TECR: variants seen among roughly 807,000 people sequenced by gnomAD.
TECR encodes the protein very-long-chain enoyl-CoA reductase.
In TECR, 19 loss-of-function variants were observed where a neutral mutation model predicts 50.6. That is an observed-to-expected ratio of 0.38 (90% CI 0.26 to 0.55). The LOEUF is 0.55. TECR is among the 20% of genes least tolerant of loss of function. TECR has a pLI of 0.79. For synonymous variants in TECR, 168 were observed against 163.5 expected (o/e 1.03, Z -0.21); for missense variants, 313 against 408.3 (o/e 0.77, Z 2.01).
intron 1 of TECR, among the ~76,000 whole-genome samples, chr19:14,545,453 CG>C (rs1394095984): frequency 6.6e-6 from 1 of 152,134 alleles, no homozygotes; most frequent in Non-Finnish European, 1.5e-5. Flanking sequence ...ATCGTGACCC[CG>C]TATTATGTAA....
rs531576724 is a variant in TECR at position 14,549,907 on chromosome 19, C to T, written c.16-12618C>T. Among the ~76,000 whole-genome samples, 241 of 151,672 alleles carry T rather than the reference C, an allele frequency of 1.6e-3. 1 individual carries two copies. The highest frequency in any genetic ancestry group is 5.5e-3 in the African/African-American group (229 of 41,336). On this transcript the variant is annotated intron_variant, in intron 1 of 12. Coordinates refer to ENST00000215567, the MANE Select transcript of TECR (RefSeq NM_138501.6). The stretch of plus-strand genomic sequence containing the variant: ...GCAGTGAGCCGAGATTGTGCCACTG[C>T]GCTCCAGCCTGGGCAACACAGTGAG...
At chr19:14,530,154 C>G (rs971790382) in intron 1 of TECR, 1 of 200,688 alleles carries the variant, frequency 5.0e-6, no homozygotes, top group African/African-American at 2.3e-5. Context: ...GACCCCTTCC[C>G]TCGCCCGGGA....
intron 1 of TECR, among the ~76,000 whole-genome samples, chr19:14,541,014 C>T (rs1246694146): frequency 6.6e-6 from 1 of 152,084 alleles, no homozygotes; most frequent in Non-Finnish European, 1.5e-5. Context: ...TTAGTAGAGA[C>T]AGGGTTTCAC....
At position 14,535,574 on chromosome 19, in the gene TECR, ATATATATATATATATG is replaced by A. The variant is rs1178568432; in HGVS notation, c.15+5867_15+5882del. Among the ~76,000 whole-genome samples the A allele has an allele frequency of 8.8e-4, 32 of 36,454 alleles. No homozygotes were observed. The South Asian group carries it at 0.011, about 13-fold the overall frequency. 23.9% of individuals were successfully genotyped at this position (36,454 alleles called of 152,430 possible). A position where few individuals can be genotyped will look rare whatever the true frequency, so the allele number is the denominator to read the frequency against. On this transcript the variant is annotated intron_variant, in intron 1 of 12. Transcript: ENST00000215567. Reference sequence around the variant, plus strand: ...TATATATATATATATATATATATATATATATATATATATATGTATGTATATATAAATTAGCCAGGCA... The same window carrying A: ...TATATATATATATATATATATATATATATGTATATATAAATTAGCCAGGCA...
chr19:14,547,752 G>A (rs550508002), intron 1 of TECR, among the ~76,000 whole-genome samples: 54 of 151,242 alleles, frequency 3.6e-4, no homozygotes, highest in African/African-American at 1.3e-3. Context: ...TGGGCCTCCT[G>A]GGCTTAAGTG....
chr19:14,562,456 A>C, intron 1 of TECR, 69 bp from the exon 2 acceptor site: 1 of 1,594,920 alleles, frequency 6.3e-7, no homozygotes, highest in East Asian at 2.2e-5. Context: ...CCCTGGCCTC[A>C]ATGGGCTCCC....
upstream of TECR, among the ~76,000 whole-genome samples, chr19:14,528,906 G>A (rs1052104959): frequency 1.3e-5 from 2 of 152,138 alleles, no homozygotes; most frequent in Non-Finnish European, 2.9e-5. Flanking sequence ...TTGCGCCACT[G>A]CACTCCAGCT....
upstream of TECR, among the ~76,000 whole-genome samples, chr19:14,528,965 A>T (rs2072505891): frequency 6.6e-6 from 1 of 152,098 alleles, no homozygotes; most frequent in Non-Finnish European, 1.5e-5. Context: ...CAGAAAAACA[A>T]AGTGGGGCGG....
At chr19:14,547,257 C>T (rs1028284697) in intron 1 of TECR, among the ~76,000 whole-genome samples, 1 of 151,906 alleles carries the variant, frequency 6.6e-6, no homozygotes, top group African/African-American at 2.4e-5. Context: ...TTTTTAATAC[C>T]GACAGTAGGC....
intron 1 of TECR, among the ~76,000 whole-genome samples, chr19:14,546,712 T>G (rs1247386852): frequency 2.0e-5 from 3 of 152,198 alleles, no homozygotes; most frequent in South Asian, 2.1e-4. Flanking sequence ...TAAGACGGAG[T>G]CTTGCTCTGT....
chr19:14,554,780 C>T (rs1036368179), intron 1 of TECR, among the ~76,000 whole-genome samples: 6 of 151,930 alleles, frequency 3.9e-5, no homozygotes, highest in Admixed American at 3.9e-4. Flanking sequence ...TTGTCTCTGC[C>T]TTGTGCTTTT....
chr19:14,559,007 G>T (rs1045692599), intron 1 of TECR, among the ~76,000 whole-genome samples: 1 of 152,176 alleles, frequency 6.6e-6, no homozygotes, highest in African/African-American at 2.4e-5. Context: ...CAGGCACAGA[G>T]CAGAGATTGG....
intron 1 of TECR, among the ~76,000 whole-genome samples, chr19:14,549,211 C>CTT (rs561284094): frequency 5.6e-4 from 62 of 111,148 alleles, no homozygotes; most frequent in East Asian, 9.3e-4. Context: ...TTTAATTGGA[C>CTT]TTTTTTTTTT....
intron 1 of TECR, among the ~76,000 whole-genome samples, chr19:14,542,130 T>G (rs1463888476): frequency 1.3e-5 from 2 of 151,982 alleles, no homozygotes; most frequent in Non-Finnish European, 2.9e-5. Context: ...CAATTACCTA[T>G]GAATTATTGT....
chr19:14,548,179 G>A (rs921452749), intron 1 of TECR, among the ~76,000 whole-genome samples: 3 of 151,808 alleles, frequency 2.0e-5, no homozygotes, highest in Non-Finnish European at 4.4e-5. Flanking sequence ...AGCCAGGATC[G>A]TGTCGATCTC....
At chr19:14,542,722 C>T (rs1474969109) in intron 1 of TECR, among the ~76,000 whole-genome samples, 1 of 151,994 alleles carries the variant, frequency 6.6e-6, no homozygotes, top group Non-Finnish European at 1.5e-5. Context: ...AGAAGTGTAC[C>T]GTGGATTGCG....
chr19:14,563,391 G>A lies in TECR; in HGVS notation c.118+134G>A, dbSNP rs1364916847. ...CCAGTGTGGCCCAGGCTTCTGGGGC[G>A]TGACTGGGGCAGGCGCCTCCACGTG... is the stretch of plus-strand genomic sequence containing the variant. On this transcript the variant is annotated intron_variant, in intron 3 of 12. Transcript: ENST00000215567. This position sits in a 1 kb window ranked among gnomAD's most constrained non-coding sequence, Gnocchi z 5.3. 7.3e-6 allele frequency: 7 copies of A among 959,832 alleles called. No homozygotes were observed. Among genetic ancestry groups the A allele is most frequent in the East Asian group, 2.6e-5 (1 of 38,324 alleles). 59.5% of individuals were successfully genotyped at this position (959,832 alleles called of 1,614,324 possible). A position where few individuals can be genotyped will look rare whatever the true frequency, so the allele number is the denominator to read the frequency against.
intron 1 of TECR, among the ~76,000 whole-genome samples, chr19:14,549,575 C>T (rs1424656340): frequency 6.6e-6 from 1 of 152,038 alleles, no homozygotes. Flanking sequence ...GATCCTCCTG[C>T]CCTGGCCTCC....
intron 1 of TECR, among the ~76,000 whole-genome samples, chr19:14,560,640 C>T (rs1031775995): frequency 6.6e-6 from 1 of 152,222 alleles, no homozygotes; most frequent in South Asian, 2.1e-4. Context: ...CAGTAACCTT[C>T]CCCTAGAGGC....
Sources: gnomAD v4.1 joint callset for allele counts (sites outside exome capture counted in the v4.1 genomes callset) on GRCh38, gnomAD v4.1.1 for gene constraint, Gnocchi (gnomAD v3.1) non-coding constraint, MANE v1.5 for transcripts, NCBI Gene and HGNC (gene_info 2026-07-23, HGNC 2026-07-21) for gene names.